The following ARHGAP22 variants were observed in gnomAD, a reference collection of about 807,000 sequenced individuals.
ARHGAP22 encodes the protein rho GTPase-activating protein 22.
In ARHGAP22, 48 loss-of-function variants were observed where a neutral mutation model predicts 59.1. That is an observed-to-expected ratio of 0.81 (90% CI 0.64 to 1.03). ARHGAP22 has a LOEUF of 1.03. Ranked by LOEUF, ARHGAP22 falls within the 50% of genes least tolerant of loss-of-function variation. The pLI is 0.00. For synonymous variants in ARHGAP22, 445 were observed against 416.4 expected, an observed-to-expected ratio of 1.07 and a Z score of -0.84; for missense variants, 1,015 against 958.7, an observed-to-expected ratio of 1.06 and a Z score of -0.78.
At chr10:48,589,428 C>T (rs74910350) in intron 1 of ARHGAP22, among the ~76,000 whole-genome samples, 21 of 152,256 alleles carry the variant, frequency 1.4e-4, no homozygotes, top group African/African-American at 2.4e-4. Context: ...AATCCCAGGG[C>T]GTTATTTCTG....
Position 48,523,962 on chromosome 10 carries a change from C to T in ARHGAP22, c.322+31501G>A, listed in dbSNP as rs2054074316. 4 of 1,255,688 alleles carry T rather than the reference C, an allele frequency of 3.2e-6. No homozygotes were observed. In the East Asian group the frequency reaches 9.3e-5, roughly 29 times the overall value. The allele number at this position is 1,255,688 out of a possible 1,614,324, so 77.8% of individuals were successfully genotyped here. On this transcript the variant is annotated intron_variant, in intron 3 of 9. Transcript: ENST00000249601. ...CAAAGCTGAGGCAGGTGCGGGCGGC[C>T]CTGGACACCCCGTGGCGAGTCCCCG... is the stretch of plus-strand genomic sequence containing the variant.
chr10:48,616,166 C>T (rs1229256419), intron 1 of ARHGAP22, among the ~76,000 whole-genome samples: 3 of 152,068 alleles, frequency 2.0e-5, no homozygotes, highest in African/African-American at 7.2e-5. Flanking sequence ...AGTATGTGCT[C>T]ATTTAGCGTC....
intron 1 of ARHGAP22, among the ~76,000 whole-genome samples, chr10:48,592,998 G>A (rs1337065930): frequency 2.6e-5 from 4 of 152,210 alleles, no homozygotes; most frequent in African/African-American, 7.2e-5. Flanking sequence ...CCTGGGGACC[G>A]GCCACACGGC....
chr10:48,597,105 C>G (rs1247698801), intron 1 of ARHGAP22, among the ~76,000 whole-genome samples: 1 of 152,156 alleles, frequency 6.6e-6, no homozygotes, highest in Non-Finnish European at 1.5e-5. Flanking sequence ...ACTTCCATCC[C>G]TTATGCTGCC....
intron 1 of ARHGAP22, among the ~76,000 whole-genome samples, chr10:48,615,930 T>A (rs2135998430): frequency 6.8e-6 from 1 of 147,350 alleles, no homozygotes. Flanking sequence ...GAAGGTCAAA[T>A]GAAATTATTC....
intron 1 of ARHGAP22, among the ~76,000 whole-genome samples, chr10:48,639,990 T>C (rs1317460267): frequency 6.6e-6 from 1 of 152,104 alleles, no homozygotes; most frequent in Non-Finnish European, 1.5e-5. Context: ...AGGACAATAA[T>C]AAATCAATAA....
At chr10:48,607,555 C>T (rs2060723960), upstream of ARHGAP22, among the ~76,000 whole-genome samples, 1 of 152,124 alleles carries the variant, frequency 6.6e-6, no homozygotes, top group African/African-American at 2.4e-5. Context: ...CTGGGGTGGC[C>T]TGTGGGAGGA....
chr10:48,489,170 G>C (rs2050129748), intron 3 of ARHGAP22, among the ~76,000 whole-genome samples: 2 of 152,084 alleles, frequency 1.3e-5, no homozygotes, highest in Non-Finnish European at 2.9e-5. Context: ...TTGTCCAGAA[G>C]TGAAAACCCT....
intron 4 of ARHGAP22, among the ~76,000 whole-genome samples, chr10:48,468,138 G>A (rs1480409690): frequency 6.6e-6 from 1 of 152,192 alleles, no homozygotes; most frequent in Non-Finnish European, 1.5e-5. Flanking sequence ...GGCCTTGAGG[G>A]TGAGTGCCTC....
At chr10:48,578,718 TC>T (rs1170768443) in intron 2 of ARHGAP22, among the ~76,000 whole-genome samples, 1 of 152,142 alleles carries the variant, frequency 6.6e-6, no homozygotes, top group Non-Finnish European at 1.5e-5. Flanking sequence ...CAATGAGTGT[TC>T]TTTGTTTATG....
At chr10:48,575,260 T>C (rs758036951) in intron 2 of ARHGAP22, 1 of 151,690 alleles carries the variant, frequency 6.6e-6, no homozygotes, top group Admixed American at 6.6e-5. Flanking sequence ...TAAACCTCTT[T>C]AAAAAAAAAT....
Position 48,450,467 on chromosome 10 carries a change from G to A in ARHGAP22, c.1662C>T (p.Leu554=). The change falls in exon 9 of 10, where the codon CTC becomes CTT. Residue 554 remains leucine (L), a synonymous_variant. Transcript: ENST00000249601. ...ACTTGGGGTCCTCGCTGCTGCTGGGGAGCGGGGAGGGCTCCAGGGCCCAGT... is the reference window on the plus strand; with the variant it reads ...ACTTGGGGTCCTCGCTGCTGCTGGGAAGCGGGGAGGGCTCCAGGGCCCAGT... The part of the protein sequence containing the change: ...HTDWALEPSP[L]PSSSEDPKSL... 1 of 1,543,458 alleles carries A rather than the reference G, an allele frequency of 6.5e-7. No homozygotes were observed. The highest frequency in any genetic ancestry group is 8.7e-7 in the Non-Finnish European group (1 of 1,143,446).
intron 3 of ARHGAP22, among the ~76,000 whole-genome samples, chr10:48,488,689 C>G (rs2050080991): frequency 6.6e-6 from 1 of 152,214 alleles, no homozygotes; most frequent in African/African-American, 2.4e-5. Flanking sequence ...CAGGCAGGAA[C>G]AGGTGCCATG....
intron 3 of ARHGAP22, among the ~76,000 whole-genome samples, chr10:48,545,177 G>A (rs544232201): frequency 6.6e-6 from 1 of 152,308 alleles, no homozygotes; most frequent in South Asian, 2.1e-4. Context: ...TGTAGTAGGT[G>A]TATATATTTA....
At chr10:48,571,152 C>T (rs919246444) in intron 2 of ARHGAP22, among the ~76,000 whole-genome samples, 13 of 152,188 alleles carry the variant, frequency 8.5e-5, no homozygotes, top group African/African-American at 3.1e-4. Flanking sequence ...GTCAGCTCTT[C>T]TCCAAGCCAC....
At chr10:48,435,575 TAGG>T in the ARHGAP22 span, 1 of 152,220 alleles carries the variant, frequency 6.6e-6, no homozygotes, top group African/African-American at 2.4e-5. Flanking sequence ...ATGAACGTGT[TAGG>T]AGACCTCCAA....
At chr10:48,575,831 C>T (rs900315480) in intron 2 of ARHGAP22, among the ~76,000 whole-genome samples, 5 of 152,188 alleles carry the variant, frequency 3.3e-5, no homozygotes, top group African/African-American at 1.2e-4. Context: ...CCAAGGCCCC[C>T]AGCCCTTGTT....
chr10:48,575,159 G>A (rs4838426), intron 2 of ARHGAP22: 61,415 of 151,928 alleles, frequency 0.4, 14,179 homozygotes, highest in East Asian at 0.89. Context: ...TTTGCCTTCC[G>A]CCATGATTCT....
chr10:48,591,405 T>G (rs913162042), intron 1 of ARHGAP22, among the ~76,000 whole-genome samples: 24 of 152,106 alleles, frequency 1.6e-4, no homozygotes, highest in African/African-American at 5.3e-4. Flanking sequence ...CCAGGAGGGA[T>G]CCTTCATTTC....
Sources: gnomAD v4.1 joint callset for allele counts (sites outside exome capture counted in the v4.1 genomes callset) on GRCh38, gnomAD v4.1.1 for gene constraint, MANE v1.5 for transcripts, NCBI Gene and HGNC (gene_info 2026-07-23, HGNC 2026-07-21) for gene names.